The following KCNN2 variants were observed in gnomAD, a reference collection of about 807,000 sequenced individuals.
The protein encoded by KCNN2 is potassium calcium-activated channel subfamily N member 2.
A neutral mutation model predicts 55.5 loss-of-function variants in KCNN2; 24 were observed. The observed-to-expected ratio is 0.43, with a 90% CI of 0.31 to 0.61. The LOEUF is 0.61. Among genes scored for constraint, KCNN2 ranks in the 20% least tolerant of loss-of-function variants. KCNN2 has a pLI of 0.08. For missense variants in KCNN2, 754 were observed against 853.6 expected (o/e 0.88, Z 1.45); for synonymous variants, 431 against 336.1 (o/e 1.28, Z -3.09).
At chr5:114,216,774 A>G (rs1048795432) in intron 1 of KCNN2, among the ~76,000 whole-genome samples, 1 of 152,156 alleles carries the variant, frequency 6.6e-6, no homozygotes, top group African/African-American at 2.4e-5. Flanking sequence ...AGCTAATGCA[A>G]TAAGACAAGA....
intron 5 of KCNN2, 53 bp downstream of exon 5, chr5:114,473,217 T>C (rs1218746576): frequency 2.6e-6 from 3 of 1,164,228 alleles, no homozygotes; most frequent in Non-Finnish European, 3.8e-6. Flanking sequence ...ATTTTTTCAG[T>C]GTTAGGAAAT....
At chr5:114,309,723 A>G (rs1470564239) in intron 2 of KCNN2, among the ~76,000 whole-genome samples, 1 of 152,190 alleles carries the variant, frequency 6.6e-6, no homozygotes, top group Non-Finnish European at 1.5e-5. Context: ...AGTCAACCAT[A>G]AAACACACAG....
chr5:114,160,993 A>T (rs915955827), intron 1 of KCNN2, among the ~76,000 whole-genome samples: 5 of 152,162 alleles, frequency 3.3e-5, no homozygotes, highest in Non-Finnish European at 7.4e-5. Context: ...TGGAGCATTT[A>T]GTCCATTTAC....
chr5:114,081,512 G>T (rs916323455), intron 1 of KCNN2, among the ~76,000 whole-genome samples: 4 of 152,340 alleles, frequency 2.6e-5, no homozygotes, highest in Admixed American at 2.0e-4. Context: ...TGACAAGACT[G>T]CTGGGACAAT....
chr5:114,409,867 TTCTCTCTCTCTC>T lies in KCNN2; in HGVS notation c.1637+5021_1637+5032del, dbSNP rs377480191. Among the ~76,000 whole-genome samples the T allele has an allele frequency of 2.7e-5, 4 of 150,004 alleles. No individual in the cohort carries two copies. The East Asian group carries it at 5.8e-4, about 22-fold the overall frequency. ...ATTTTTTACCTGTAGGTAATAAAAA[TTCTCTCTCTCTC>T]TCTCTCTCTTTTTGGTGAATGATAG... is the stretch of plus-strand genomic sequence containing the variant. On this transcript the variant is annotated intron_variant, in intron 3 of 7. Coordinates refer to ENST00000673685, the MANE Select transcript of KCNN2 (RefSeq NM_021614.4).
intron 2 of KCNN2, among the ~76,000 whole-genome samples, chr5:114,380,314 A>T (rs1758078192): frequency 6.6e-6 from 1 of 152,184 alleles, no homozygotes; most frequent in Non-Finnish European, 1.5e-5. Flanking sequence ...CTGCTGTTGC[A>T]GGAATGTCTG....
intron 2 of KCNN2, among the ~76,000 whole-genome samples, chr5:114,283,027 T>C (rs890309644): frequency 6.6e-6 from 1 of 152,334 alleles, no homozygotes; most frequent in East Asian, 1.9e-4. Flanking sequence ...TCCACTATCA[T>C]GTGAATTTGT....
chr5:114,371,617 C>T (rs1001749770), intron 2 of KCNN2, among the ~76,000 whole-genome samples: 2 of 152,130 alleles, frequency 1.3e-5, no homozygotes, highest in Non-Finnish European at 2.9e-5. Flanking sequence ...CAGAAACAGA[C>T]TGTAAGTTTT....
intron 2 of KCNN2, among the ~76,000 whole-genome samples, chr5:114,341,254 A>C (rs531791735): frequency 6.1e-4 from 93 of 152,312 alleles, no homozygotes; most frequent in Non-Finnish European, 1.1e-3. Flanking sequence ...ATGAATGTAA[A>C]AGTTGTTCAG....
intron 1 of KCNN2, among the ~76,000 whole-genome samples, chr5:114,114,280 A>G (rs11949263): frequency 0.21 from 32,492 of 152,028 alleles, 3,996 homozygotes; most frequent in African/African-American, 0.34. Flanking sequence ...CCAGGCTGTA[A>G]TGCAGTGCTG....
intron 1 of KCNN2, among the ~76,000 whole-genome samples, chr5:114,123,061 T>G (rs1751856473): frequency 6.6e-6 from 1 of 152,176 alleles, no homozygotes; most frequent in Non-Finnish European, 1.5e-5. Context: ...AGACAGTATA[T>G]AAGGACGGTA....
At chr5:114,258,277 T>C (rs928511136) in intron 2 of KCNN2, among the ~76,000 whole-genome samples, 1 of 152,310 alleles carries the variant, frequency 6.6e-6, no homozygotes, top group African/African-American at 2.4e-5. Context: ...GCAGCTATGT[T>C]CTTCAGTGAT....
chr5:114,213,836 T>G (rs1367101327), intron 1 of KCNN2, among the ~76,000 whole-genome samples: 1 of 152,068 alleles, frequency 6.6e-6, no homozygotes, highest in Non-Finnish European at 1.5e-5. Context: ...AGTAGTAACC[T>G]CTACTATATG....
rs1383238408 is a variant in KCNN2 at position 114,290,033 on chromosome 5, T to G, written c.-185+68468T>G. Among the ~76,000 whole-genome samples, 4 of 152,196 alleles carry G rather than the reference T, an allele frequency of 2.6e-5. No homozygotes were observed. The East Asian group carries it at 7.7e-4, about 29-fold the overall frequency. On this transcript the variant is annotated intron_variant, in intron 2 of 10. Transcript: ENST00000512097. ...CTTGTACCCTGCAACTTTGCTGAAT[T>G]AGTTTATTATTCTTAAAGGATATTG...
At chr5:114,129,279 A>G (rs1429434992) in intron 1 of KCNN2, among the ~76,000 whole-genome samples, 1 of 152,204 alleles carries the variant, frequency 6.6e-6, no homozygotes, top group Non-Finnish European at 1.5e-5. Flanking sequence ...TAATCCATAC[A>G]CATGAGGCTT....
chr5:114,182,034 G>A (rs1202354301), intron 1 of KCNN2, among the ~76,000 whole-genome samples: 1 of 151,984 alleles, frequency 6.6e-6, no homozygotes, highest in African/African-American at 2.4e-5. Flanking sequence ...ATTAATTTTT[G>A]TGTATGTAAG....
At chr5:114,081,169 A>G (rs1247767055) in intron 1 of KCNN2, among the ~76,000 whole-genome samples, 4 of 152,196 alleles carry the variant, frequency 2.6e-5, no homozygotes, top group Admixed American at 2.6e-4. Flanking sequence ...AAATAGAAAC[A>G]TCTTATGCTC....
At chr5:114,416,979 T>C (rs1051042560) in intron 3 of KCNN2, among the ~76,000 whole-genome samples, 1 of 152,190 alleles carries the variant, frequency 6.6e-6, no homozygotes, top group Non-Finnish European at 1.5e-5. Context: ...TTGAGCATAT[T>C]AGTAATTATA....
At chr5:114,209,621 A>T (rs191836173) in intron 1 of KCNN2, among the ~76,000 whole-genome samples, 51 of 152,240 alleles carry the variant, frequency 3.3e-4, no homozygotes, top group Admixed American at 1.0e-3. Context: ...AGGAATGAGG[A>T]TGTGGGTTTA....
Sources: gnomAD v4.1 joint callset for allele counts (sites outside exome capture counted in the v4.1 genomes callset) on GRCh38, gnomAD v4.1.1 for gene constraint, MANE v1.5 for transcripts, NCBI Gene and HGNC (gene_info 2026-07-23, HGNC 2026-07-21) for gene names.